The following ZNF420 variants were observed in gnomAD, a reference collection of about 807,000 sequenced individuals.
ZNF420 encodes the protein zinc finger protein 420.
In ZNF420, 31 loss-of-function variants were observed where a neutral mutation model predicts 44.7. The observed-to-expected ratio is 0.69, with a 90% CI of 0.52 to 0.94. The LOEUF (loss-of-function observed/expected upper bound fraction) is 0.94, where lower values mean the gene tolerates loss of function less well. Among genes scored for constraint, ZNF420 ranks in the 40% least tolerant of loss-of-function variants. The probability of loss-of-function intolerance (pLI) is 0.00; values close to 1 mark genes in which losing one functional copy is unlikely to be tolerated. For synonymous variants in ZNF420, 245 were observed against 267.4 expected (o/e 0.92, Z 0.82); for missense variants, 681 against 827.9 (o/e 0.82, Z 2.18).
rs141853479 is a variant in ZNF420, at chr19:37,080,368, G to A, written c.-101G>A. 0.01 allele frequency: 1,578 copies of A among 152,748 alleles called. 20 individuals carry two copies. Among genetic ancestry groups the A allele is most frequent in the Middle Eastern group, 0.041 (12 of 294 alleles). 9.5% of individuals were successfully genotyped at this position (152,748 alleles called of 1,614,324 possible). Reference sequence around the variant, plus strand: ...AGAGCCCAGAGGAGAAAGAATGGCTGTTTCAGTAGCAATGTCCAAGGTGAG... The same window carrying A: ...AGAGCCCAGAGGAGAAAGAATGGCTATTTCAGTAGCAATGTCCAAGGTGAG... On this transcript the variant is annotated 5_prime_UTR_variant, in exon 2 of 5. Transcript: ENST00000337995.
rs753580524 is a variant in ZNF420, at chr19:37,129,091, G to A, written c.*33G>A. Reference sequence around the variant, plus strand: ...GATTATTTGAGATCACTATGAAGAGGTTCTCTGGTTGTTAGCAGCAAAGAA... The same window carrying A: ...GATTATTTGAGATCACTATGAAGAGATTCTCTGGTTGTTAGCAGCAAAGAA... On this transcript the variant is annotated 3_prime_UTR_variant, in exon 5 of 5. Coordinates refer to ENST00000337995, the MANE Select transcript of ZNF420 (RefSeq NM_144689.5). 7.0e-6 allele frequency: 11 copies of A among 1,575,816 alleles called. No individual in the cohort carries two copies. Among genetic ancestry groups the A allele is most frequent in the Non-Finnish European group, 9.5e-6 (11 of 1,158,220 alleles).
At position 37,051,958 on chromosome 19, in the gene ZNF420, G is replaced by T. The variant is rs150800125; in HGVS notation, c.-124-28387G>T. On this transcript the variant is annotated intron_variant, in intron 1 of 4. Transcript: ENST00000587029. ...TGGTTTCAAAGAACATGTTGACAGT[G>T]GGGTGTTAAAGTCTCCCATTATTAT... 4.6e-3 allele frequency among the ~76,000 whole-genome samples: 698 copies of T among 152,098 alleles called. 9 individuals carry two copies. Among genetic ancestry groups the T allele is most frequent in the African/African-American group, 0.016 (652 of 41,516 alleles).
chr19:37,012,471 C>T (rs1318682497), intron 1 of ZNF420, among the ~76,000 whole-genome samples: 1 of 152,186 alleles, frequency 6.6e-6, no homozygotes, highest in Non-Finnish European at 1.5e-5. Context: ...CCTGACCTCT[C>T]CAGGGTGTCA....
intron 1 of ZNF420, among the ~76,000 whole-genome samples, chr19:37,020,579 C>G (rs964878329): frequency 6.6e-6 from 1 of 152,190 alleles, no homozygotes; most frequent in Admixed American, 6.5e-5. Flanking sequence ...TTTGTTTCTT[C>G]TTTCTTTAAT....
intron 4 of ZNF420, chr19:37,109,843 A>G (rs1970289881): frequency 6.6e-6 from 1 of 152,158 alleles, no homozygotes; most frequent in African/African-American, 2.4e-5. Flanking sequence ...CTGCAGGAGT[A>G]GTAGTCTGAT....
In ZNF420 at chr19:37,020,352, G is replaced by A. The variant is rs74447328; in HGVS notation, c.-125+12270G>A. On this transcript the variant is annotated intron_variant, in intron 1 of 4. Coordinates refer to the ZNF420 transcript ENST00000587029. ...TTCTGACCAGAAACATTCCAACCCCGAGATAAACCTCCCTCTGAACAGAAA... is the reference window on the plus strand; with the variant it reads ...TTCTGACCAGAAACATTCCAACCCCAAGATAAACCTCCCTCTGAACAGAAA... Among the ~76,000 whole-genome samples, 772 of 151,208 alleles carry A rather than the reference G, an allele frequency of 5.1e-3. 10 individuals carry two copies. The highest frequency in any genetic ancestry group is 0.017 in the African/African-American group (720 of 41,158).
chr19:37,067,213 C>T (rs1967981791), intron 1 of ZNF420, among the ~76,000 whole-genome samples: 1 of 152,166 alleles, frequency 6.6e-6, no homozygotes, highest in African/African-American at 2.4e-5. Context: ...TTCACTTTGA[C>T]AGGATTTTGG....
At chr19:37,108,453 A>T (rs1211942865) in intron 4 of ZNF420, 2 of 152,178 alleles carry the variant, frequency 1.3e-5, no homozygotes, top group Non-Finnish European at 2.9e-5. Flanking sequence ...ATAGTTTGGG[A>T]GTCTGGTTTA....
At chr19:37,045,369 A>G (rs768374234) in intron 1 of ZNF420, among the ~76,000 whole-genome samples, 1 of 152,196 alleles carries the variant, frequency 6.6e-6, no homozygotes, top group Non-Finnish European at 1.5e-5. Context: ...TAACAGGTAA[A>G]CGTTTTGTTA....
At chr19:37,046,873 A>C (rs987988194) in intron 1 of ZNF420, among the ~76,000 whole-genome samples, 4 of 151,470 alleles carry the variant, frequency 2.6e-5, no homozygotes, top group African/African-American at 9.7e-5. Flanking sequence ...AATTGAATAT[A>C]AGGTGCTAAT....
chr19:37,114,714 CTCT>C (rs1443675938), intron 4 of ZNF420, among the ~76,000 whole-genome samples: 2 of 140,460 alleles, frequency 1.4e-5, no homozygotes, highest in South Asian at 2.5e-4. Context: ...CTATCCCTGC[CTCT>C]TCTTCACAAT....
Position 37,127,235 on chromosome 19 carries a change from G to A in ZNF420, c.244G>A (p.Glu82Lys). The stretch of plus-strand genomic sequence containing the variant: ...TGACAGACTTGAAAACTGTGATCTT[G>A]AAGAGTCCAATTCCAGGGATTATTT... ...MSDRLENCDL[E>K]ESNSRDYLEA... The change falls in exon 5 of 5, where the codon GAA (glutamate) becomes AAA (lysine). Residue 82 changes from glutamate to lysine, a missense_variant. By Grantham distance (56) the Glu-to-Lys change is moderately conservative. Transcript: ENST00000337995. The A allele has an allele frequency of 1.2e-6, 2 of 1,612,562 alleles. No individual in the cohort carries two copies. The highest frequency in any genetic ancestry group is 1.1e-5 in the South Asian group (1 of 90,790).
chr19:37,088,191 A>G (rs1161232861), intron 2 of ZNF420, among the ~76,000 whole-genome samples: 1 of 152,246 alleles, frequency 6.6e-6, no homozygotes, highest in Admixed American at 6.5e-5. Flanking sequence ...GTTATGATTT[A>G]GTTGTCCATC....
intron 1 of ZNF420, among the ~76,000 whole-genome samples, chr19:37,022,802 T>A (rs2074659275): frequency 6.6e-6 from 1 of 152,094 alleles, no homozygotes; most frequent in African/African-American, 2.4e-5. Context: ...CCCAATATCA[T>A]ATTGGCTGTA....
intron 1 of ZNF420, among the ~76,000 whole-genome samples, chr19:37,053,576 A>T (rs1274693072): frequency 6.6e-6 from 1 of 152,114 alleles, no homozygotes; most frequent in Non-Finnish European, 1.5e-5. Context: ...TTTCCTTCTA[A>T]CAGTCAGGAC....
intron 1 of ZNF420, among the ~76,000 whole-genome samples, chr19:37,022,823 C>T (rs767596136): frequency 2.0e-5 from 3 of 151,966 alleles, no homozygotes; most frequent in Admixed American, 6.6e-5. Flanking sequence ...AGGAGTTGAA[C>T]GCTGATGACG....
intron 1 of ZNF420, among the ~76,000 whole-genome samples, chr19:37,032,049 A>G (rs1385674761): frequency 3.3e-5 from 5 of 152,114 alleles, no homozygotes; most frequent in Non-Finnish European, 7.4e-5. Flanking sequence ...CATCTCTACT[A>G]AAAATACAAA....
intron 3 of ZNF420, 112 bp downstream of exon 3, chr19:37,089,239 G>T (rs1384161260): frequency 2.2e-6 from 2 of 926,926 alleles, no homozygotes; most frequent in East Asian, 2.4e-5. Flanking sequence ...TCAGGAATGT[G>T]CTCCTCAGTT....
intron 4 of ZNF420, among the ~76,000 whole-genome samples, chr19:37,108,564 GAT>G (rs1465917645): frequency 2.0e-5 from 3 of 152,166 alleles, no homozygotes; most frequent in African/African-American, 7.2e-5. Flanking sequence ...AATGGCTTAT[GAT>G]CTCCTGTTTC....
Sources: gnomAD v4.1 joint callset for allele counts (sites outside exome capture counted in the v4.1 genomes callset) on GRCh38, gnomAD v4.1.1 for gene constraint, MANE v1.5 for transcripts, NCBI Gene and HGNC (gene_info 2026-07-23, HGNC 2026-07-21) for gene names.